Variants in CTNNA3 observed in about 807,000 individuals in gnomAD.
The protein encoded by CTNNA3 is catenin alpha-3.
CTNNA3 carries 76 observed loss-of-function variants against 95.7 expected under a neutral mutation model. That is an observed-to-expected ratio of 0.79 (90% CI 0.66 to 0.96). The LOEUF (loss-of-function observed/expected upper bound fraction) is 0.96. CTNNA3 is among the 40% of genes least tolerant of loss of function. CTNNA3 has a pLI of 0.00. For synonymous variants in CTNNA3, 431 were observed against 374.4 expected, an observed-to-expected ratio of 1.15 and a Z score of -1.74; for missense variants, 1,191 against 1,089.8, an observed-to-expected ratio of 1.09 and a Z score of -1.31.
At chr10:66,758,675 C>T (rs938698167) in intron 9 of CTNNA3, among the ~76,000 whole-genome samples, 4 of 152,138 alleles carry the variant, frequency 2.6e-5, no homozygotes, top group Non-Finnish European at 4.4e-5. Context: ...TGGCTCACGC[C>T]TGTAATCTCA....
rs531300476 is a variant in CTNNA3 at position 66,809,453 on chromosome 10, G to A, written c.1048-33929C>T. 5.2e-4 allele frequency among the ~76,000 whole-genome samples: 79 copies of A among 151,734 alleles called. 1 individual carries two copies. Among genetic ancestry groups the A allele is most frequent in the African/African-American group, 1.8e-3 (75 of 41,368 alleles). ...TCCATTACTAACTTTTTACTTTAAC[G>A]TATTTTTCTTGGATCTGGGATCCTC... On this transcript the variant is annotated intron_variant, in intron 7 of 17. Coordinates refer to ENST00000433211, the MANE Select transcript of CTNNA3 (RefSeq NM_013266.4).
At chr10:66,879,028 A>T (rs1844742115) in intron 7 of CTNNA3, among the ~76,000 whole-genome samples, 1 of 152,084 alleles carries the variant, frequency 6.6e-6, no homozygotes, top group African/African-American at 2.4e-5. Context: ...TCATCATCTC[A>T]ACAATTCTGT....
At chr10:67,140,133 A>G (rs1042428565) in intron 7 of CTNNA3, among the ~76,000 whole-genome samples, 1 of 152,208 alleles carries the variant, frequency 6.6e-6, no homozygotes, top group African/African-American at 2.4e-5. Flanking sequence ...TTTCTAGCCT[A>G]ATATATACAG....
At chr10:67,698,805 A>T (rs1264537035), upstream of CTNNA3, among the ~76,000 whole-genome samples, 5 of 152,112 alleles carry the variant, frequency 3.3e-5, no homozygotes, top group Non-Finnish European at 7.4e-5. Flanking sequence ...GGTGAATCTA[A>T]ATGAATCTGC....
intron 6 of CTNNA3, among the ~76,000 whole-genome samples, chr10:67,190,172 T>G (rs1213096195): frequency 1.3e-5 from 2 of 151,966 alleles, no homozygotes; most frequent in Admixed American, 1.3e-4. Context: ...ATTGCTACAT[T>G]TTGAGAAGAC....
intron 5 of CTNNA3, among the ~76,000 whole-genome samples, chr10:67,380,269 A>G (rs994720554): frequency 1.3e-5 from 2 of 152,218 alleles, no homozygotes; most frequent in African/African-American, 2.4e-5. Flanking sequence ...GATGTGAGCA[A>G]CATGAAATTT....
At chr10:66,083,814 C>T (rs2080863611) in intron 14 of CTNNA3, among the ~76,000 whole-genome samples, 1 of 152,068 alleles carries the variant, frequency 6.6e-6, no homozygotes, top group Non-Finnish European at 1.5e-5. Flanking sequence ...TCTGAGCACT[C>T]ACTTCTCCAA....
chr10:67,102,166 C>G (rs992513952), intron 7 of CTNNA3, among the ~76,000 whole-genome samples: 1 of 151,734 alleles, frequency 6.6e-6, no homozygotes, highest in Non-Finnish European at 1.5e-5. Flanking sequence ...CCTCCCATGA[C>G]CTTCCCAATT....
chr10:66,087,237 C>T (rs2081018479), intron 14 of CTNNA3, among the ~76,000 whole-genome samples: 1 of 152,100 alleles, frequency 6.6e-6, no homozygotes, highest in Non-Finnish European at 1.5e-5. Context: ...CCTCATCTCA[C>T]CCCAAACCCA....
At chr10:67,560,958 C>T (rs1841486176) in intron 3 of CTNNA3, among the ~76,000 whole-genome samples, 1 of 152,022 alleles carries the variant, frequency 6.6e-6, no homozygotes, top group South Asian at 2.1e-4. Context: ...TATATATGCA[C>T]CAAATACAGG....
chr10:66,606,198 G>A (rs1161697978), intron 10 of CTNNA3, among the ~76,000 whole-genome samples: 1 of 152,026 alleles, frequency 6.6e-6, no homozygotes, highest in Non-Finnish European at 1.5e-5. Flanking sequence ...AACAGTAAAG[G>A]GTTAAATACA....
chr10:67,287,339 T>TA (rs1038908613), intron 5 of CTNNA3, among the ~76,000 whole-genome samples: 11 of 150,704 alleles, frequency 7.3e-5, no homozygotes, highest in South Asian at 6.3e-4. Flanking sequence ...CTCCATCTTG[T>TA]AAAAAAAAAG....
intron 13 of CTNNA3, among the ~76,000 whole-genome samples, chr10:66,155,580 T>C (rs373838251): frequency 2.0e-5 from 3 of 151,908 alleles, no homozygotes; most frequent in East Asian, 1.9e-4. Context: ...AACAATAATA[T>C]GAAGCTTTGG....
At chr10:66,281,582 G>A (rs72799154) in intron 12 of CTNNA3, among the ~76,000 whole-genome samples, 3,768 of 151,912 alleles carry the variant, frequency 0.025, 123 homozygotes, top group East Asian at 0.16. Flanking sequence ...CTATATCATA[G>A]TGAGGAAGCC....
At chr10:66,914,612 G>T (rs544075238) in intron 7 of CTNNA3, among the ~76,000 whole-genome samples, 1 of 149,670 alleles carries the variant, frequency 6.7e-6, no homozygotes, top group South Asian at 2.1e-4. Flanking sequence ...GAGAGTAACA[G>T]TATGCTATGA....
At chr10:67,313,818 TGC>T (rs1181650579) in intron 5 of CTNNA3, among the ~76,000 whole-genome samples, 1 of 152,214 alleles carries the variant, frequency 6.6e-6, no homozygotes, top group African/African-American at 2.4e-5. Context: ...AAAATGGCTT[TGC>T]TTAAACAACA....
chr10:67,301,833 G>A (rs1380122428), intron 5 of CTNNA3, among the ~76,000 whole-genome samples: 1 of 152,032 alleles, frequency 6.6e-6, no homozygotes, highest in Non-Finnish European at 1.5e-5. Flanking sequence ...GCTGGGGGTG[G>A]TGGTGGGCGC....
At chr10:67,293,418 T>C (rs1201795354) in intron 5 of CTNNA3, among the ~76,000 whole-genome samples, 1 of 152,232 alleles carries the variant, frequency 6.6e-6, no homozygotes, top group Non-Finnish European at 1.5e-5. Flanking sequence ...CTAGACACTA[T>C]ATCAGATTTC....
chr10:67,475,139 C>T (rs777573255), intron 5 of CTNNA3, among the ~76,000 whole-genome samples: 1 of 152,268 alleles, frequency 6.6e-6, no homozygotes, highest in African/African-American at 2.4e-5. Flanking sequence ...ATCCTAAACG[C>T]ATTATGCTAA....
Sources: gnomAD v4.1 joint callset for allele counts (sites outside exome capture counted in the v4.1 genomes callset) on GRCh38, gnomAD v4.1.1 for gene constraint, MANE v1.5 for transcripts, NCBI Gene and HGNC (gene_info 2026-07-23, HGNC 2026-07-21) for gene names.